Variants in CMC1 observed in about 807,000 individuals in gnomAD.
The protein encoded by CMC1 is COX assembly mitochondrial protein homolog.
In CMC1, 14 loss-of-function variants were observed where a neutral mutation model predicts 14.1. The observed-to-expected ratio is 0.99, with a 90% CI of 0.66 to 1.55. The LOEUF is 1.55. Among genes scored for constraint, CMC1 ranks in the 40% most tolerant of loss-of-function variants. The probability of loss-of-function intolerance (pLI) is 0.00; values close to 1 mark genes in which losing one functional copy is unlikely to be tolerated. For synonymous variants in CMC1, 50 were observed against 38.4 expected, an observed-to-expected ratio of 1.30 and a Z score of -1.12; for missense variants, 127 against 123.8, an observed-to-expected ratio of 1.03 and a Z score of -0.12.
chr3:28,306,541 T>C (rs1702316960), intron 2 of CMC1, among the ~76,000 whole-genome samples: 1 of 152,186 alleles, frequency 6.6e-6, no homozygotes, highest in Admixed American at 6.5e-5. Flanking sequence ...CCTGAAACTT[T>C]ACTGATGTCA....
chr3:28,289,890 GATAAT>G (rs1317551182), intron 2 of CMC1, among the ~76,000 whole-genome samples: 4 of 151,992 alleles, frequency 2.6e-5, no homozygotes, highest in African/African-American at 9.7e-5. Flanking sequence ...GGAACAAAAG[GATAAT>G]ACAAAGGGAT....
At chr3:28,269,690 C>G (rs1700184965) in intron 2 of CMC1, among the ~76,000 whole-genome samples, 1 of 152,102 alleles carries the variant, frequency 6.6e-6, no homozygotes. Context: ...CTCAGCCTCC[C>G]AAGTAACTGG....
chr3:28,310,636 A>G (rs552461956), intron 2 of CMC1, among the ~76,000 whole-genome samples: 3 of 152,346 alleles, frequency 2.0e-5, no homozygotes, highest in African/African-American at 7.2e-5. Context: ...AATTAAGGTA[A>G]TGATTTGGTG....
At chr3:28,268,455 T>C (rs1700115895) in intron 2 of CMC1, among the ~76,000 whole-genome samples, 1 of 152,146 alleles carries the variant, frequency 6.6e-6, no homozygotes, top group Non-Finnish European at 1.5e-5. Flanking sequence ...GTCCCCAGAA[T>C]TTTTATTGAG....
At chr3:28,293,479 A>C (rs1041088474) in intron 2 of CMC1, among the ~76,000 whole-genome samples, 2 of 152,190 alleles carry the variant, frequency 1.3e-5, no homozygotes, top group Non-Finnish European at 2.9e-5. Context: ...ATTAAGTTTG[A>C]GGTAGATGGT....
intron 1 of CMC1, among the ~76,000 whole-genome samples, chr3:28,258,260 A>G (rs1017605293): frequency 2.0e-5 from 3 of 151,086 alleles, no homozygotes; most frequent in Admixed American, 6.6e-5. Context: ...CCTTTTTAAA[A>G]TTTTCTTAAT....
chr3:28,297,636 G>A (rs557951226), intron 2 of CMC1, among the ~76,000 whole-genome samples: 8 of 152,164 alleles, frequency 5.3e-5, no homozygotes, highest in East Asian at 1.9e-4. Context: ...GAGCCATTAC[G>A]CAGACATGTT....
intron 2 of CMC1, among the ~76,000 whole-genome samples, chr3:28,290,618 T>C (rs530914881): frequency 6.6e-6 from 1 of 152,220 alleles, no homozygotes; most frequent in African/African-American, 2.4e-5. Flanking sequence ...TATCAGTTCT[T>C]TCTGGAACAT....
chr3:28,296,143 A>T (rs1234085820), intron 2 of CMC1, among the ~76,000 whole-genome samples: 1 of 152,080 alleles, frequency 6.6e-6, no homozygotes, highest in East Asian at 1.9e-4. Context: ...GTAAGACTAA[A>T]CAGGCCAGGA....
At chr3:28,294,502 A>G in intron 2 of CMC1, 2 of 955,050 alleles carry the variant, frequency 2.1e-6, no homozygotes, top group Non-Finnish European at 2.5e-6. Context: ...AACTAAGTGG[A>G]CGAACTTATA....
chr3:28,278,778 A>G (rs183889516), intron 2 of CMC1, among the ~76,000 whole-genome samples: 10 of 152,228 alleles, frequency 6.6e-5, no homozygotes, highest in Non-Finnish European at 1.5e-5. Flanking sequence ...GACCATTATT[A>G]GAATTCAGCT....
intron 2 of CMC1, among the ~76,000 whole-genome samples, chr3:28,296,713 C>T (rs1371007355): frequency 6.6e-6 from 1 of 151,952 alleles, no homozygotes; most frequent in Non-Finnish European, 1.5e-5. Context: ...TAAGTAGCTT[C>T]TAAGATGAAC....
At chr3:28,297,623 T>C (rs1328999901) in intron 2 of CMC1, among the ~76,000 whole-genome samples, 1 of 152,114 alleles carries the variant, frequency 6.6e-6, no homozygotes, top group Non-Finnish European at 1.5e-5. Context: ...AGCCTTCAGC[T>C]GGGAGCCATT....
chr3:28,256,121 TAATC>T (rs1477091545), intron 1 of CMC1, among the ~76,000 whole-genome samples: 1 of 151,798 alleles, frequency 6.6e-6, no homozygotes, highest in Non-Finnish European at 1.5e-5. Flanking sequence ...ACCATGGAAA[TAATC>T]AGTAGGAGAA....
intron 1 of CMC1, among the ~76,000 whole-genome samples, chr3:28,253,489 G>A (rs1336873974): frequency 6.6e-6 from 1 of 152,092 alleles, no homozygotes; most frequent in Non-Finnish European, 1.5e-5. Context: ...GCTGAGATAG[G>A]AGGATCACTT....
chr3:28,241,948 C>A (rs774828678), intron 1 of CMC1, 136 bp downstream of exon 1: 12 of 907,048 alleles, frequency 1.3e-5, no homozygotes, highest in African/African-American at 1.7e-5. Context: ...CTCCTCATAC[C>A]CGGCGGCTGC....
chr3:28,314,767 CT>C (rs1256302042), intron 2 of CMC1, among the ~76,000 whole-genome samples: 39 of 151,770 alleles, frequency 2.6e-4, no homozygotes, highest in Admixed American at 2.4e-3. Context: ...CAAGGCCCCC[CT>C]AATGAATTTT....
At chr3:28,249,786 T>G (rs1404786025) in intron 1 of CMC1, among the ~76,000 whole-genome samples, 1 of 151,186 alleles carries the variant, frequency 6.6e-6, no homozygotes, top group African/African-American at 2.4e-5. Flanking sequence ...CAACATAGAC[T>G]GGGTGGCTTA....
At chr3:28,301,042 A>G (rs545035160) in intron 2 of CMC1, among the ~76,000 whole-genome samples, 2 of 150,744 alleles carry the variant, frequency 1.3e-5, no homozygotes, top group South Asian at 4.2e-4. Flanking sequence ...TAGTGGCTAC[A>G]TAGTATTTCG....
Sources: allele counts gnomAD v4.1 joint callset (sites outside exome capture counted in the v4.1 genomes callset), GRCh38; gene constraint gnomAD v4.1.1; transcripts MANE v1.5; gene names NCBI Gene and HGNC (gene_info 2026-07-23, HGNC 2026-07-21).